ANKRD62: variants seen among roughly 807,000 people sequenced by gnomAD.
ANKRD62 encodes the protein ankyrin repeat domain-containing protein 62.
ANKRD62 carries 61 observed loss-of-function variants against 98.8 expected under a neutral mutation model. The observed-to-expected ratio is 0.62, with a 90% CI of 0.50 to 0.76. ANKRD62 has a LOEUF of 0.76. Among genes scored for constraint, ANKRD62 ranks in the 30% least tolerant of loss-of-function variants. The pLI is 0.00. For missense variants in ANKRD62, 933 were observed against 1,082.9 expected (o/e 0.86, Z 1.94); for synonymous variants, 341 against 367.9 (o/e 0.93, Z 0.84).
At chr18:12,117,892 G>C (rs966219699) in intron 10 of ANKRD62, among the ~76,000 whole-genome samples, 6 of 152,052 alleles carry the variant, frequency 3.9e-5, no homozygotes, top group Non-Finnish European at 8.8e-5. Context: ...AGTCTTTATT[G>C]GTTTATTATA....
At chr18:12,099,956 TAA>T (rs1300377179) in intron 6 of ANKRD62, among the ~76,000 whole-genome samples, 1 of 152,174 alleles carries the variant, frequency 6.6e-6, no homozygotes, top group Non-Finnish European at 1.5e-5. Context: ...GAAAAAAGAT[TAA>T]GTTAGTATGT....
At chr18:12,115,263 A>ATT in intron 9 of ANKRD62, 130 bp from the exon 10 acceptor site, 1 of 1,273,838 alleles carries the variant, frequency 7.9e-7, no homozygotes, top group South Asian at 1.8e-5. Flanking sequence ...CTTTTAACCA[A>ATT]AGTCAGTTAT....
At chr18:12,120,242 T>C (rs4527082) in intron 10 of ANKRD62, among the ~76,000 whole-genome samples, 128,440 of 152,078 alleles carry the variant, frequency 0.84, 54,675 homozygotes, top group Middle Eastern at 0.97. Context: ...GTATTGAAAC[T>C]TCAGATTACC....
At chr18:12,120,464 T>A (rs1473086138) in intron 10 of ANKRD62, among the ~76,000 whole-genome samples, 1 of 152,206 alleles carries the variant, frequency 6.6e-6, no homozygotes, top group Non-Finnish European at 1.5e-5. Context: ...TTCTCAGTAG[T>A]CTTCTGTCAA....
chr18:12,130,404 T>C (rs1351354665), downstream of ANKRD62, among the ~76,000 whole-genome samples: 2 of 152,272 alleles, frequency 1.3e-5, no homozygotes, highest in African/African-American at 4.8e-5. Context: ...CGGACAAAAT[T>C]GAGCAGCTTC....
the ANKRD62 span, among the ~76,000 whole-genome samples, chr18:12,171,686 A>C: frequency 6.6e-6 from 1 of 151,930 alleles, no homozygotes; most frequent in Non-Finnish European, 1.5e-5. Context: ...ATGTTGGCCT[A>C]TCTTGCTAGG....
intron 8 of ANKRD62, among the ~76,000 whole-genome samples, chr18:12,112,795 G>A (rs1175428686): frequency 7.2e-5 from 11 of 152,180 alleles, no homozygotes; most frequent in Admixed American, 3.3e-4. Flanking sequence ...AAGGGAAGAC[G>A]TTTTGCAAAC....
the ANKRD62 span, among the ~76,000 whole-genome samples, chr18:12,166,701 T>C: frequency 6.8e-3 from 1,038 of 152,250 alleles, 18 homozygotes; most frequent in African/African-American, 0.024. Flanking sequence ...CTGTTTATCA[T>C]TGTTTGGGCA....
downstream of ANKRD62, among the ~76,000 whole-genome samples, chr18:12,132,190 A>C (rs1334381115): frequency 6.6e-6 from 1 of 152,124 alleles, no homozygotes; most frequent in African/African-American, 2.4e-5. Flanking sequence ...GCTATTATAA[A>C]TAGTATTATT....
At chr18:12,131,694 C>T (rs1308280945), downstream of ANKRD62, among the ~76,000 whole-genome samples, 1 of 151,380 alleles carries the variant, frequency 6.6e-6, no homozygotes, top group Non-Finnish European at 1.5e-5. Context: ...AGTCACTTGA[C>T]CAGTCATATT....
intron 6 of ANKRD62, among the ~76,000 whole-genome samples, chr18:12,100,155 C>T (rs1909268402): frequency 1.3e-5 from 2 of 152,064 alleles, no homozygotes; most frequent in South Asian, 2.1e-4. Context: ...GGACTCCCCC[C>T]TAAAACTTAA....
chr18:12,133,754 T>C (rs775006220), downstream of ANKRD62, among the ~76,000 whole-genome samples: 4 of 152,184 alleles, frequency 2.6e-5, no homozygotes, highest in Non-Finnish European at 4.4e-5. Flanking sequence ...GAGTTCTTTA[T>C]ATATTCTGAA....
chr18:12,181,670 G>A, the ANKRD62 span, among the ~76,000 whole-genome samples: 1 of 152,170 alleles, frequency 6.6e-6, no homozygotes, highest in Admixed American at 6.5e-5. Flanking sequence ...AATAGGAACA[G>A]CTCTGGTCTA....
chr18:12,161,544 A>T, the ANKRD62 span, among the ~76,000 whole-genome samples: 93,189 of 151,838 alleles, frequency 0.61, 29,035 homozygotes, highest in Middle Eastern at 0.76. Context: ...CCATCCAATT[A>T]TAGTCTTACA....
At chr18:12,102,295 G>T in intron 6 of ANKRD62, 1 of 734,078 alleles carries the variant, frequency 1.4e-6, no homozygotes, top group East Asian at 2.6e-5. Context: ...GACGCAACCT[G>T]GGAACCAGAA....
At chr18:12,097,255 C>T (rs904907449) in intron 4 of ANKRD62, among the ~76,000 whole-genome samples, 20 of 152,126 alleles carry the variant, frequency 1.3e-4, no homozygotes, top group South Asian at 4.1e-4. Context: ...CTGCAGATAG[C>T]TCTTATTGAC....
chr18:12,168,214 C>T, the ANKRD62 span, among the ~76,000 whole-genome samples: 1 of 152,188 alleles, frequency 6.6e-6, no homozygotes, highest in Non-Finnish European at 1.5e-5. Flanking sequence ...TTGCCCATTC[C>T]TATGTCCTGA....
At chr18:12,132,192 A>C (rs1225309786), downstream of ANKRD62, among the ~76,000 whole-genome samples, 1 of 152,124 alleles carries the variant, frequency 6.6e-6, no homozygotes, top group Non-Finnish European at 1.5e-5. Flanking sequence ...TATTATAAAT[A>C]GTATTATTTT....
intron 6 of ANKRD62, chr18:12,102,462 G>A (rs1310882841): frequency 6.8e-6 from 3 of 439,884 alleles, no homozygotes; most frequent in Non-Finnish European, 8.7e-6. Context: ...AGTCTCCAGA[G>A]AACCGCCATC....
Sources: gnomAD v4.1 joint callset for allele counts (sites outside exome capture counted in the v4.1 genomes callset) on GRCh38, gnomAD v4.1.1 for gene constraint, MANE v1.5 for transcripts, NCBI Gene and HGNC (gene_info 2026-07-23, HGNC 2026-07-21) for gene names.